The following NBN variants were observed in gnomAD, a reference collection of about 807,000 sequenced individuals.
The protein encoded by NBN is nibrin.
NBN carries 88 observed loss-of-function variants against 90.8 expected under a neutral mutation model. The ratio of observed to expected loss-of-function variants is 0.97; its 90% CI spans 0.82 to 1.16. NBN has a LOEUF of 1.16. NBN is among the 50% of genes most tolerant of loss of function. NBN has a pLI of 0.00. For missense variants in NBN, 894 were observed against 869.6 expected, an observed-to-expected ratio of 1.03 and a Z score of -0.35; for synonymous variants, 328 against 295.1, an observed-to-expected ratio of 1.11 and a Z score of -1.14.
At chr8:89,944,950 A>G (rs1202856565) in intron 13 of NBN, among the ~76,000 whole-genome samples, 1 of 152,182 alleles carries the variant, frequency 6.6e-6, no homozygotes, top group African/African-American at 2.4e-5. Context: ...ATCTTCCTAT[A>G]GAAATTTTGG....
Position 89,981,970 on chromosome 8 carries a change from T to C in NBN, c.172-447A>G, listed in dbSNP as rs764392109. Reference sequence around the variant, plus strand: ...TGACTTACAGTAACAATTTTACTTTTTCTGTAGAAATTTCCAAAATGTTTT... The same window carrying C: ...TGACTTACAGTAACAATTTTACTTTCTCTGTAGAAATTTCCAAAATGTTTT... On this transcript the variant is annotated intron_variant, in intron 2 of 15. Transcript: ENST00000265433. The C allele has an allele frequency of 1.3e-5, 16 of 1,208,118 alleles. No homozygotes were observed. The South Asian group carries it at 2.3e-4, about 17-fold the overall frequency. The allele number at this position is 1,208,118 out of a possible 1,614,324, so 74.8% of individuals were successfully genotyped here. A position where few individuals can be genotyped will look rare whatever the true frequency, so the allele number is the denominator to read the frequency against.
chr8:89,940,133 T>A (rs1020337154), intron 14 of NBN, among the ~76,000 whole-genome samples: 1 of 152,264 alleles, frequency 6.6e-6, no homozygotes. Context: ...TCACCAAGGC[T>A]GAAGTGCAGG....
intron 3 of NBN, 119 bp downstream of exon 3, chr8:89,981,256 T>G: frequency 8.8e-7 from 1 of 1,130,196 alleles, no homozygotes; most frequent in Non-Finnish European, 1.3e-6. Flanking sequence ...AGTCCAATAC[T>G]GTGCTAAGCA....
intron 9 of NBN, among the ~76,000 whole-genome samples, chr8:89,957,997 G>A (rs1224605760): frequency 6.6e-6 from 1 of 152,130 alleles, no homozygotes; most frequent in Non-Finnish European, 1.5e-5. Flanking sequence ...CCTTAAGCTC[G>A]TTTTCCTGCA....
At chr8:89,943,507 G>C in intron 13 of NBN, 141 bp from the exon 14 acceptor site, 1 of 868,472 alleles carries the variant, frequency 1.2e-6, no homozygotes, top group Non-Finnish European at 1.8e-6. Context: ...AGTGAGAGCA[G>C]TAACTCTGTT....
At chr8:89,969,206 C>A (rs964873437) in intron 7 of NBN, among the ~76,000 whole-genome samples, 15 of 152,194 alleles carry the variant, frequency 9.9e-5, no homozygotes, top group African/African-American at 3.6e-4. Flanking sequence ...ACAATACTTA[C>A]TGGCTTCAAC....
intron 1 of NBN, chr8:89,984,120 T>C (rs933379943): frequency 6.6e-6 from 2 of 302,672 alleles, no homozygotes; most frequent in Non-Finnish European, 1.3e-5. Context: ...TGTCCAGTAG[T>C]TCTTCACAAG....
At chr8:89,946,368 T>G (rs1027542014) in intron 12 of NBN, 73 bp from the exon 13 acceptor site, 36 of 1,386,902 alleles carry the variant, frequency 2.6e-5, no homozygotes, top group Admixed American at 2.3e-4. Flanking sequence ...CATTTGGGAA[T>G]CTATAGAAAA....
intron 10 of NBN, 136 bp from the exon 11 acceptor site, chr8:89,953,827 A>G: frequency 2.8e-6 from 2 of 714,338 alleles, no homozygotes; most frequent in South Asian, 3.6e-5. Context: ...TATTACTGGA[A>G]ATCAACAAAT....
intron 13 of NBN, among the ~76,000 whole-genome samples, chr8:89,945,101 C>A (rs1231983955): frequency 6.6e-6 from 1 of 152,138 alleles, no homozygotes; most frequent in Admixed American, 6.5e-5. Flanking sequence ...CCACTCTGTG[C>A]CAGTAGTAAA....
rs111610686 is a variant in NBN, at chr8:89,940,923, T to G, written c.2184+2330A>C. 7.1e-3 allele frequency among the ~76,000 whole-genome samples: 1,087 copies of G among 152,312 alleles called. 12 individuals are homozygous for G. Among genetic ancestry groups the G allele is most frequent in the Non-Finnish European group, 0.012 (817 of 68,030 alleles). On this transcript the variant is annotated intron_variant, in intron 14 of 15. Coordinates refer to ENST00000265433, the MANE Select transcript of NBN (RefSeq NM_002485.5). ...TATGTCTGTGAAATAAAGGTACTAT[T>G]ATTATTCTCATTCTGCACAGATGGA... is the stretch of plus-strand genomic sequence containing the variant.
In NBN at chr8:89,979,524, T is replaced by TG. The variant is rs1811951374; in HGVS notation, c.481-1202_481-1201insC. Among the ~76,000 whole-genome samples the TG allele has an allele frequency of 2.0e-5, 3 of 150,510 alleles. No homozygotes were observed. In the South Asian group the frequency reaches 6.3e-4, roughly 32 times the overall value. ...AAATAAAAGTTGAACTGAACGCTTTTTTTGTTGTTGTTGTTGTTGTTGTTT... is the reference window on the plus strand; with the variant it reads ...AAATAAAAGTTGAACTGAACGCTTTTGTTTGTTGTTGTTGTTGTTGTTGTTT... On this transcript the variant is annotated intron_variant, in intron 4 of 15. Transcript: ENST00000265433.
At position 89,955,385 on chromosome 8, in the gene NBN, G is replaced by A. The variant is rs1258938703; in HGVS notation, c.1295C>T (p.Ser432Leu). Residue 432 changes from serine (S) to leucine (L), a missense_variant, in exon 10 of 16, where the codon TCA (serine) becomes TTA (leucine). Transcript: ENST00000265433. ...ATTTATACTTGGCAATTTAGTTGGT[G>A]AAAGCTGATAGTTTGGGATTCTCAT... The part of the protein sequence containing the change: ...AKMRIPNYQL[S>L]PTKLPSINKS... The A allele has an allele frequency of 6.2e-7, 1 of 1,613,566 alleles. No individual in the cohort carries two copies. Among genetic ancestry groups the A allele is most frequent in the African/African-American group, 1.3e-5 (1 of 74,874 alleles).
At chr8:89,954,384 G>A (rs2129709901) in intron 10 of NBN, among the ~76,000 whole-genome samples, 1 of 152,070 alleles carries the variant, frequency 6.6e-6, no homozygotes, top group African/African-American at 2.4e-5. Context: ...CCAATCGAGA[G>A]GTTTTTGTAA....
At chr8:89,964,783 T>C (rs1811170755) in intron 7 of NBN, among the ~76,000 whole-genome samples, 1 of 152,134 alleles carries the variant, frequency 6.6e-6, no homozygotes, top group African/African-American at 2.4e-5. Context: ...ATTTTTGGAA[T>C]AAAAAGAATA....
At chr8:89,954,948 G>C (rs1810626164) in intron 10 of NBN, among the ~76,000 whole-genome samples, 1 of 152,160 alleles carries the variant, frequency 6.6e-6, no homozygotes, top group African/African-American at 2.4e-5. Context: ...GAAAATAATT[G>C]ATGGAATATG....
chr8:89,981,645 A>G (rs1326774774), intron 2 of NBN, 122 bp from the exon 3 acceptor site: 1 of 978,810 alleles, frequency 1.0e-6, no homozygotes, highest in Non-Finnish European at 1.5e-6. Context: ...GCAGACAACA[A>G]TTACTGCTTC....
At chr8:89,942,128 A>T (rs1300502678) in intron 14 of NBN, among the ~76,000 whole-genome samples, 1 of 152,176 alleles carries the variant, frequency 6.6e-6, no homozygotes, top group African/African-American at 2.4e-5. Flanking sequence ...CCCAGCACTA[A>T]AAGAAGAAAG....
rs13312882 is a variant in NBN at position 89,970,334 on chromosome 8, G to GT, written c.896+29dup. 6.1e-3 allele frequency: 9,556 copies of GT among 1,560,530 alleles called. 465 individuals are homozygous for GT. The African/African-American group carries it at 0.11, about 18-fold the overall frequency. On this transcript the variant is annotated intron_variant, in intron 7 of 15. Transcript: ENST00000265433. ...TTAAACATAAAATCTCCTACTTGCA[G>GT]TTTTTTACTAATAAAGAATAATTCT...
Sources: allele counts gnomAD v4.1 joint callset (sites outside exome capture counted in the v4.1 genomes callset), GRCh38; gene constraint gnomAD v4.1.1; transcripts MANE v1.5; gene names NCBI Gene and HGNC (gene_info 2026-07-23, HGNC 2026-07-21).